Variants in ITPR1 observed in about 807,000 individuals in gnomAD.
ITPR1 encodes the protein inositol 1,4,5-trisphosphate receptor type 1.
ITPR1 carries 96 observed loss-of-function variants against 318.4 expected under a neutral mutation model. The observed-to-expected ratio is 0.30, with a 90% CI of 0.26 to 0.36. The LOEUF is 0.36. ITPR1 is among the 10% of genes least tolerant of loss of function. The probability of loss-of-function intolerance (pLI) is 1.00; values close to 1 mark genes in which losing one functional copy is unlikely to be tolerated. For missense variants in ITPR1, 2,440 were observed against 3,460.2 expected, an observed-to-expected ratio of 0.71 and a Z score of 7.40; for synonymous variants, 1,312 against 1,289.9, an observed-to-expected ratio of 1.02 and a Z score of -0.37.
intron 14 of ITPR1, among the ~76,000 whole-genome samples, chr3:4,661,482 T>A (rs752330443): frequency 5.3e-5 from 8 of 152,328 alleles, no homozygotes; most frequent in Non-Finnish European, 1.0e-4. Flanking sequence ...TATACACTTT[T>A]ATTTCATGAA....
intron 44 of ITPR1, among the ~76,000 whole-genome samples, chr3:4,763,409 T>C (rs2045593058): frequency 6.6e-6 from 1 of 151,970 alleles, no homozygotes; most frequent in African/African-American, 2.4e-5. Flanking sequence ...AAAAAAGAAA[T>C]GTCTTCCTTC....
At chr3:4,636,671 C>T (rs745474445) in intron 5 of ITPR1, among the ~76,000 whole-genome samples, 1 of 152,052 alleles carries the variant, frequency 6.6e-6, no homozygotes, top group Non-Finnish European at 1.5e-5. Flanking sequence ...TCAGGTGATC[C>T]GCCTGCCTCG....
intron 4 of ITPR1, among the ~76,000 whole-genome samples, chr3:4,626,451 C>T (rs570800572): frequency 6.6e-6 from 1 of 152,194 alleles, no homozygotes; most frequent in South Asian, 2.1e-4. Flanking sequence ...ATGGCTTTTT[C>T]CAGATCTGAT....
intron 44 of ITPR1, among the ~76,000 whole-genome samples, chr3:4,737,044 A>G (rs183006009): frequency 1.6e-4 from 24 of 152,248 alleles, no homozygotes; most frequent in Admixed American, 4.6e-4. Context: ...TATCTCTCCA[A>G]TCTTTATCCT....
chr3:4,560,801 C>G (rs767333527), intron 4 of ITPR1, among the ~76,000 whole-genome samples: 7 of 152,252 alleles, frequency 4.6e-5, no homozygotes, highest in Non-Finnish European at 7.4e-5. Context: ...GAGGTGACAG[C>G]GACTTATTAT....
intron 56 of ITPR1, among the ~76,000 whole-genome samples, chr3:4,811,719 T>G (rs1235992257): frequency 2.0e-5 from 3 of 152,232 alleles, no homozygotes; most frequent in Non-Finnish European, 1.5e-5. Context: ...GCAACTTTTT[T>G]GTAAAGCAGT....
At chr3:4,561,241 A>C (rs1188093833) in intron 4 of ITPR1, among the ~76,000 whole-genome samples, 1 of 152,218 alleles carries the variant, frequency 6.6e-6, no homozygotes, top group Admixed American at 6.5e-5. Context: ...TAATGACGAG[A>C]GTGAAATTCT....
chr3:4,498,209 A>C (rs1406163228), intron 2 of ITPR1, among the ~76,000 whole-genome samples: 1 of 152,234 alleles, frequency 6.6e-6, no homozygotes, highest in Admixed American at 6.5e-5. Context: ...TGTATATTTT[A>C]CAGTAATTTT....
At chr3:4,801,077 T>C (rs892314819) in intron 54 of ITPR1, among the ~76,000 whole-genome samples, 3 of 152,158 alleles carry the variant, frequency 2.0e-5, no homozygotes, top group African/African-American at 4.8e-5. Context: ...GCAGAGACAA[T>C]TCTTTAAAAG....
At chr3:4,781,054 G>A (rs527391844) in intron 49 of ITPR1, among the ~76,000 whole-genome samples, 20 of 152,370 alleles carry the variant, frequency 1.3e-4, no homozygotes, top group African/African-American at 4.8e-4. Flanking sequence ...GTACATACGT[G>A]TGTATGCTCC....
At position 4,669,764 on chromosome 3, in the gene ITPR1, T is replaced by C. The variant is rs1239655539; in HGVS notation, c.1997T>C (p.Ile666Thr). Residue 666 changes from isoleucine (I) to threonine (T), a missense_variant, in exon 19 of 62, where the codon ATT (isoleucine) becomes ACT (threonine). This residue lies in a region of ITPR1 where 478 missense variants were observed against 696.3 expected (regional missense o/e 0.69). Coordinates refer to ENST00000649015, the MANE Select transcript of ITPR1 (RefSeq NM_001378452.1). Reference sequence around the variant, plus strand: ...AACCCCACCAACGCTGACATCCTGATTGAGACCAAGTGAGTGGGGAGCCAG... The same window carrying C: ...AACCCCACCAACGCTGACATCCTGACTGAGACCAAGTGAGTGGGGAGCCAG... Reference protein sequence around the residue: ...VLNPTNADILIETKLVLSRFE... With the variant: ...VLNPTNADILTETKLVLSRFE... 7 of 1,610,896 alleles carry C rather than the reference T, an allele frequency of 4.3e-6. No homozygotes were observed. The highest frequency in any genetic ancestry group is 2.2e-5 in the East Asian group (1 of 44,776).
chr3:4,840,066 C>T (rs554832687), intron 61 of ITPR1, among the ~76,000 whole-genome samples: 3 of 79,306 alleles, frequency 3.8e-5, no homozygotes, highest in African/African-American at 1.6e-4. Flanking sequence ...TTTGAGGGGG[C>T]AGGGGGATTT....
intron 60 of ITPR1, among the ~76,000 whole-genome samples, chr3:4,819,158 G>A (rs867444990): frequency 9.8e-5 from 15 of 152,354 alleles, no homozygotes; most frequent in Middle Eastern, 6.8e-3. Flanking sequence ...GGTCTGTTCA[G>A]ATAAGTATCA....
intron 57 of ITPR1, 59 bp downstream of exon 57, chr3:4,813,293 G>A (rs2049060249): frequency 7.1e-6 from 8 of 1,126,166 alleles, no homozygotes; most frequent in Admixed American, 2.1e-5. Context: ...AGGCTTAGCT[G>A]ATGCAGGTGA....
At chr3:4,811,219 A>G in intron 55 of ITPR1, 46 bp from the exon 56 acceptor site, 1 of 1,356,748 alleles carries the variant, frequency 7.4e-7, no homozygotes, top group Non-Finnish European at 9.9e-7. Context: ...AGTGATGTAC[A>G]TCTAACATCA....
At chr3:4,762,272 C>T (rs535373449) in intron 44 of ITPR1, among the ~76,000 whole-genome samples, 4 of 152,312 alleles carry the variant, frequency 2.6e-5, no homozygotes, top group South Asian at 4.2e-4. Flanking sequence ...GAAGGTTTGC[C>T]TGAGCTCCTG....
At chr3:4,682,623 A>G (rs1295323769) in intron 26 of ITPR1, among the ~76,000 whole-genome samples, 1 of 152,246 alleles carries the variant, frequency 6.6e-6, no homozygotes, top group Non-Finnish European at 1.5e-5. Flanking sequence ...GTTTAGCATA[A>G]TACAGGTTCC....
chr3:4,688,729 C>T (rs1045619477), intron 31 of ITPR1, 109 bp downstream of exon 31: 5 of 1,028,738 alleles, frequency 4.9e-6, no homozygotes, highest in Non-Finnish European at 5.7e-6. Flanking sequence ...TGTTATAATG[C>T]AACATTCATT....
chr3:4,812,490 A>G (rs1226957218), intron 56 of ITPR1, among the ~76,000 whole-genome samples: 1 of 152,236 alleles, frequency 6.6e-6, no homozygotes, highest in African/African-American at 2.4e-5. Flanking sequence ...TAGCAAGAAC[A>G]GAAGAGATTT....
Sources: gnomAD v4.1 joint callset for allele counts (sites outside exome capture counted in the v4.1 genomes callset) on GRCh38, gnomAD v4.1.1 for gene constraint, gnomAD v4.1.1 regional missense constraint, MANE v1.5 for transcripts, NCBI Gene and HGNC (gene_info 2026-07-23, HGNC 2026-07-21) for gene names.